The following NSMCE2 variants were observed in gnomAD, a reference collection of about 807,000 sequenced individuals.
The protein encoded by NSMCE2 is E3 SUMO-protein ligase NSE2.
Under a neutral mutation model 23.8 loss-of-function variants are expected in NSMCE2, and 24 were observed. The ratio of observed to expected loss-of-function variants is 1.01; its 90% CI spans 0.73 to 1.42. NSMCE2 has a LOEUF of 1.42. Ranked by LOEUF, NSMCE2 falls within the 40% of genes most tolerant of loss-of-function variation. The pLI, the probability that NSMCE2 is intolerant of heterozygous loss-of-function variation, is 0.00. For missense variants in NSMCE2, 284 were observed against 296.5 expected, an observed-to-expected ratio of 0.96 and a Z score of 0.31; for synonymous variants, 92 against 94.1, an observed-to-expected ratio of 0.98 and a Z score of 0.13.
intron 5 of NSMCE2, among the ~76,000 whole-genome samples, chr8:125,232,923 T>C (rs940109434): frequency 3.3e-5 from 5 of 152,184 alleles, no homozygotes; most frequent in Non-Finnish European, 7.4e-5. Context: ...AAACAGGATA[T>C]TTTATTTCTC....
intron 5 of NSMCE2, among the ~76,000 whole-genome samples, chr8:125,240,967 A>T (rs1260055921): frequency 6.6e-6 from 1 of 152,178 alleles, no homozygotes; most frequent in African/African-American, 2.4e-5. Context: ...AGCAGCTTCC[A>T]TGGTCACTGG....
intron 5 of NSMCE2, among the ~76,000 whole-genome samples, chr8:125,227,080 G>A (rs566406290): frequency 3.3e-5 from 5 of 152,234 alleles, no homozygotes; most frequent in African/African-American, 9.6e-5. Context: ...CTCAGGGTCT[G>A]TATTAGAATT....
At chr8:125,280,273 TA>T (rs1827639183) in intron 5 of NSMCE2, among the ~76,000 whole-genome samples, 2 of 152,232 alleles carry the variant, frequency 1.3e-5, no homozygotes, top group Admixed American at 1.3e-4. Flanking sequence ...GTCTTGTGTT[TA>T]TAACTAGAGA....
intron 7 of NSMCE2, among the ~76,000 whole-genome samples, chr8:125,358,196 G>C (rs1813368174): frequency 6.6e-6 from 1 of 152,004 alleles, no homozygotes; most frequent in Non-Finnish European, 1.5e-5. Flanking sequence ...AGCCAGGCTT[G>C]GTGGCAGGTG....
intron 3 of NSMCE2, among the ~76,000 whole-genome samples, chr8:125,112,092 A>G (rs1249678032): frequency 6.6e-6 from 1 of 152,224 alleles, no homozygotes; most frequent in East Asian, 1.9e-4. Flanking sequence ...AATAAAAATA[A>G]CAATAACCCT....
Position 125,182,151 on chromosome 8 carries a change from G to T in NSMCE2, c.313G>T (p.Glu105Ter). The T allele has an allele frequency of 6.2e-7, 1 of 1,604,324 alleles. No individual in the cohort carries two copies. Among genetic ancestry groups the T allele is most frequent in the South Asian group, 1.1e-5 (1 of 88,742 alleles). The part of the protein sequence containing the change: ...EKIPDLKLLV[E>*]KKFLALQSKN... Reference sequence around the variant, plus strand: ...AATACCAGATTTAAAATTATTGGTAGAGAAGAAATTTTTGGCTTTACAGAG... The same window carrying T: ...AATACCAGATTTAAAATTATTGGTATAGAAGAAATTTTTGGCTTTACAGAG... The change falls in exon 5 of 8, where the codon GAG (glutamate) becomes TAG (stop). Residue 105 changes from glutamate to a stop codon, truncating the protein, a stop_gained. Transcript: ENST00000287437. LOFTEE classifies it high-confidence loss of function.
intron 3 of NSMCE2, among the ~76,000 whole-genome samples, chr8:125,106,677 T>TC (rs1818471536): frequency 6.8e-6 from 1 of 146,812 alleles, no homozygotes. Context: ...AGAGCAAGAC[T>TC]CCATCTCAAA....
intron 5 of NSMCE2, among the ~76,000 whole-genome samples, chr8:125,223,299 T>C (rs944612303): frequency 6.9e-6 from 1 of 144,196 alleles, no homozygotes; most frequent in African/African-American, 2.6e-5. Flanking sequence ...CAGAGGTTGC[T>C]ATGAGTCAAG....
At chr8:125,273,241 A>G (rs974472181) in intron 5 of NSMCE2, among the ~76,000 whole-genome samples, 1 of 152,230 alleles carries the variant, frequency 6.6e-6, no homozygotes, top group Non-Finnish European at 1.5e-5. Flanking sequence ...CCAGATACTG[A>G]TACCATCCCT....
intron 5 of NSMCE2, among the ~76,000 whole-genome samples, chr8:125,353,460 C>CGA (rs1813122114): frequency 6.6e-6 from 1 of 152,132 alleles, no homozygotes; most frequent in Non-Finnish European, 1.5e-5. Flanking sequence ...TCTTAGGAGT[C>CGA]TAACTCTTGC....
At chr8:125,298,693 TTTTG>T (rs1386940319) in intron 5 of NSMCE2, among the ~76,000 whole-genome samples, 13 of 115,122 alleles carry the variant, frequency 1.1e-4, no homozygotes, top group Middle Eastern at 4.7e-3. Flanking sequence ...GTGGGTTTTT[TTTTG>T]TTTTTTTTTT....
intron 5 of NSMCE2, among the ~76,000 whole-genome samples, chr8:125,350,933 C>T (rs1322755442): frequency 6.6e-6 from 1 of 152,190 alleles, no homozygotes; most frequent in Non-Finnish European, 1.5e-5. Context: ...TAGGAAGCAA[C>T]TGCAGAGGGC....
At chr8:125,343,923 A>C (rs1027293927) in intron 5 of NSMCE2, among the ~76,000 whole-genome samples, 1 of 152,052 alleles carries the variant, frequency 6.6e-6, no homozygotes, top group Admixed American at 6.6e-5. Context: ...GGAGAATGGC[A>C]TGAACCTGGG....
intron 5 of NSMCE2, among the ~76,000 whole-genome samples, chr8:125,306,308 C>T (rs1828758818): frequency 6.6e-6 from 1 of 151,478 alleles, no homozygotes; most frequent in African/African-American, 2.4e-5. Flanking sequence ...CTAACCTGGG[C>T]AACAGAGACC....
chr8:125,248,677 C>A (rs1351744693), intron 5 of NSMCE2, among the ~76,000 whole-genome samples: 1 of 152,064 alleles, frequency 6.6e-6, no homozygotes, highest in Non-Finnish European at 1.5e-5. Context: ...AACATCATTC[C>A]TTGATACATT....
At chr8:125,273,305 G>A (rs1336639183) in intron 5 of NSMCE2, among the ~76,000 whole-genome samples, 1 of 152,162 alleles carries the variant, frequency 6.6e-6, no homozygotes, top group East Asian at 1.9e-4. Context: ...ATCAGTGTGT[G>A]CCTTCCAAAA....
chr8:125,115,320 G>A (rs1208521028), intron 3 of NSMCE2, among the ~76,000 whole-genome samples: 1 of 152,228 alleles, frequency 6.6e-6, no homozygotes, highest in Non-Finnish European at 1.5e-5. Context: ...TTTGCATTTG[G>A]TAGACAGGTT....
At chr8:125,211,838 G>A (rs539004637) in intron 5 of NSMCE2, among the ~76,000 whole-genome samples, 4 of 152,250 alleles carry the variant, frequency 2.6e-5, no homozygotes, top group African/African-American at 9.6e-5. Flanking sequence ...GAATATTTCT[G>A]TCCCACCTCC....
At chr8:125,163,736 A>G (rs886370989) in intron 4 of NSMCE2, among the ~76,000 whole-genome samples, 1 of 152,210 alleles carries the variant, frequency 6.6e-6, no homozygotes, top group Non-Finnish European at 1.5e-5. Context: ...TACCAACAAG[A>G]ATGGGAAGGG....
Sources: allele counts gnomAD v4.1 joint callset (sites outside exome capture counted in the v4.1 genomes callset), GRCh38; gene constraint gnomAD v4.1.1; transcripts MANE v1.5; gene names NCBI Gene and HGNC (gene_info 2026-07-23, HGNC 2026-07-21).